The following EIF5B variants were observed in gnomAD, a reference collection of about 807,000 sequenced individuals.
The protein encoded by EIF5B is eukaryotic translation initiation factor 5B, also known as eIF-5B.
EIF5B carries 47 observed loss-of-function variants against 147.5 expected under a neutral mutation model. The observed-to-expected ratio is 0.32, with a 90% CI of 0.25 to 0.41. The LOEUF (loss-of-function observed/expected upper bound fraction) is 0.41. Ranked by LOEUF, EIF5B falls within the 10% of genes least tolerant of loss-of-function variation. The pLI, the probability that EIF5B is intolerant of heterozygous loss-of-function variation, is 1.00. For missense variants in EIF5B, 1,064 were observed against 1,413.2 expected (o/e 0.75, Z 3.96); for synonymous variants, 455 against 456.2 (o/e 1.00, Z 0.03).
chr2:99,357,257 A>T (rs1487300557), intron 1 of EIF5B, among the ~76,000 whole-genome samples: 1 of 152,134 alleles, frequency 6.6e-6, no homozygotes, highest in Non-Finnish European at 1.5e-5. Context: ...TAGGAATTTC[A>T]TAGCTATGTT....
In EIF5B at chr2:99,376,593, C is replaced by T. The variant is rs953138992; in HGVS notation, c.1799C>T (p.Thr600Ile). 2 of 1,612,682 alleles carry T rather than the reference C, an allele frequency of 1.2e-6. No homozygotes were observed. Among genetic ancestry groups the T allele is most frequent in the Non-Finnish European group, 8.5e-7 (1 of 1,179,652 alleles). Residue 600 changes from threonine (T) to isoleucine (I), a missense_variant, in exon 10 of 24, where the codon ACT (threonine) becomes ATT (isoleucine). Transcript: ENST00000289371. ...DSEYDSDDDR[T>I]KEERAYDKAK... The stretch of plus-strand genomic sequence containing the variant: ...GAATATGACTCTGATGATGATCGGA[C>T]TAAAGAAGAAAGGGCTTATGACAAA...
chr2:99,350,669 A>G (rs1055109909), intron 1 of EIF5B, among the ~76,000 whole-genome samples: 7 of 151,938 alleles, frequency 4.6e-5, no homozygotes, highest in Non-Finnish European at 1.0e-4. Context: ...CCCTTGTTAG[A>G]TATATAGTTT....
At chr2:99,356,350 A>G (rs1164897855) in intron 1 of EIF5B, among the ~76,000 whole-genome samples, 1 of 152,148 alleles carries the variant, frequency 6.6e-6, no homozygotes, top group Non-Finnish European at 1.5e-5. Context: ...ATAGTTTAGG[A>G]GTGGAAAATT....
intron 9 of EIF5B, among the ~76,000 whole-genome samples, chr2:99,373,604 C>T (rs1176840867): frequency 6.6e-6 from 1 of 152,152 alleles, no homozygotes; most frequent in Non-Finnish European, 1.5e-5. Context: ...ACACCATTTA[C>T]AAATCACAGC....
At chr2:99,395,357 A>G (rs1675020822) in intron 21 of EIF5B, among the ~76,000 whole-genome samples, 1 of 152,188 alleles carries the variant, frequency 6.6e-6, no homozygotes, top group Admixed American at 6.5e-5. Context: ...CCTTTGAGAC[A>G]GGGTCTCGTT....
chr2:99,394,756 C>T lies in EIF5B; in HGVS notation c.3127C>T (p.Arg1043Ter). The change falls in exon 21 of 24, where the codon CGA (arginine) becomes TGA (stop). Residue 1043 changes from arginine (R) to a stop codon, truncating the protein, a stop_gained. Coordinates refer to ENST00000289371, the MANE Select transcript of EIF5B (RefSeq NM_015904.4). LOFTEE classifies it high-confidence loss of function. ...VILAFDVRIE[R>*]DAQEMADSLG... The stretch of plus-strand genomic sequence containing the variant: ...TTTGGCCTTCGATGTGAGAATTGAA[C>T]GAGATGCACAAGAAATGGCTGATAG... 6.2e-7 allele frequency: 1 copy of T among 1,612,352 alleles called. No homozygotes were observed. The highest frequency in any genetic ancestry group is 8.5e-7 in the Non-Finnish European group (1 of 1,179,660).
chr2:99,341,278 A>G (rs2094259014), intron 1 of EIF5B, among the ~76,000 whole-genome samples: 1 of 152,260 alleles, frequency 6.6e-6, no homozygotes, highest in South Asian at 2.1e-4. Flanking sequence ...TGCATAAATT[A>G]CATCAAAAAA....
chr2:99,360,393 T>A, intron 2 of EIF5B, 32 bp downstream of exon 2: 1 of 1,581,984 alleles, frequency 6.3e-7, no homozygotes, highest in Non-Finnish European at 8.6e-7. Flanking sequence ...TTGATTTTTA[T>A]TTGTTTTGGT....
Position 99,363,629 on chromosome 2 carries a change from T to C in EIF5B, c.920-16T>C. 6.4e-7 allele frequency: 1 copy of C among 1,572,628 alleles called. No homozygotes were observed. The highest frequency in any genetic ancestry group is 2.1e-5 in the Admixed American group (1 of 47,530). On this transcript the variant is annotated splice_polypyrimidine_tract_variant and intron_variant, in intron 4 of 23. Transcript: ENST00000289371. Reference sequence around the variant, plus strand: ...GTTTTTTCATTTCAATGCTTTGCCTTTATTCTTTTTGGTAGATGACAATGA... The same window carrying C: ...GTTTTTTCATTTCAATGCTTTGCCTCTATTCTTTTTGGTAGATGACAATGA...
At chr2:99,343,258 G>C (rs1376610925) in intron 1 of EIF5B, among the ~76,000 whole-genome samples, 2 of 151,132 alleles carry the variant, frequency 1.3e-5, no homozygotes, top group African/African-American at 2.4e-5. Flanking sequence ...ACCCAGCCTG[G>C]GTTGTATTTT....
Position 99,376,540 on chromosome 2 carries a change from G to A in EIF5B, c.1746G>A (p.Lys582=), listed in dbSNP as rs1317167655. 7.4e-6 allele frequency: 12 copies of A among 1,614,014 alleles called. No homozygotes were observed. The highest frequency in any genetic ancestry group is 9.3e-6 in the Non-Finnish European group (11 of 1,179,976). Residue 582 remains lysine, a synonymous_variant, in exon 10 of 24, where the codon AAG becomes AAA. Transcript: ENST00000289371. ...ATTCAGGGAAGACATTAGATAAAAAGCCAAGTAAAGAAATGAGCTCAGATT... is the reference window on the plus strand; with the variant it reads ...ATTCAGGGAAGACATTAGATAAAAAACCAAGTAAAGAAATGAGCTCAGATT... ...EKDSGKTLDK[K]PSKEMSSDSE...
chr2:99,351,127 G>A (rs1304556977), intron 1 of EIF5B, among the ~76,000 whole-genome samples: 2 of 152,236 alleles, frequency 1.3e-5, no homozygotes, highest in Non-Finnish European at 2.9e-5. Context: ...AGTAGTCACT[G>A]TAGTTTTCAT....
chr2:99,368,373 T>A, intron 6 of EIF5B, 120 bp from the exon 7 acceptor site: 1 of 729,722 alleles, frequency 1.4e-6, no homozygotes, highest in Non-Finnish European at 2.3e-6. Flanking sequence ...TTTCCATGAA[T>A]ATCCTTTCAT....
chr2:99,343,595 A>G (rs1209998569), intron 1 of EIF5B, among the ~76,000 whole-genome samples: 2 of 151,804 alleles, frequency 1.3e-5, no homozygotes, highest in Non-Finnish European at 2.9e-5. Flanking sequence ...AGGTGGGTGG[A>G]TCACCTGAGG....
intron 14 of EIF5B, 163 bp from the exon 15 acceptor site, chr2:99,389,555 C>T (rs947635757): frequency 1.4e-5 from 7 of 494,292 alleles, no homozygotes; most frequent in African/African-American, 2.0e-5. Context: ...GAGCAGGTGC[C>T]GATAAGCAGT....
rs930269777 is a variant in EIF5B, at chr2:99,338,372, T to C, written c.35+783T>C. 24 of 1,286,230 alleles carry C rather than the reference T, an allele frequency of 1.9e-5. No homozygotes were observed. The Admixed American group carries it at 2.3e-4, about 12-fold the overall frequency. 79.7% of individuals were successfully genotyped at this position (1,286,230 alleles called of 1,614,324 possible). A position where few individuals can be genotyped will look rare whatever the true frequency, so the allele number is the denominator to read the frequency against. Reference sequence around the variant, plus strand: ...ACATTCGATTGAGTTCTGTTACTCATGATGGAAAGAGTTGACTTCCTGGGA... The same window carrying C: ...ACATTCGATTGAGTTCTGTTACTCACGATGGAAAGAGTTGACTTCCTGGGA... On this transcript the variant is annotated intron_variant, in intron 1 of 23. Coordinates refer to ENST00000289371, the MANE Select transcript of EIF5B (RefSeq NM_015904.4).
chr2:99,377,013 A>G (rs569221706), intron 10 of EIF5B, among the ~76,000 whole-genome samples: 15 of 152,238 alleles, frequency 9.9e-5, no homozygotes, highest in East Asian at 7.7e-4. Context: ...TCTGATCACT[A>G]TAGTTATATA....
At chr2:99,390,428 T>G (rs758753067) in intron 16 of EIF5B, 27 bp downstream of exon 16, 2 of 795,402 alleles carry the variant, frequency 2.5e-6, no homozygotes, top group South Asian at 4.6e-5. Context: ...CAGTTTATTG[T>G]TTTTTTTTTT....
In EIF5B at chr2:99,393,486, ACAG is replaced by A. The variant is rs576317652; in HGVS notation, c.2880+392_2880+394del. ...GTGCCACTGCACTCCAACCTGGGTG[ACAG>A]CAGGACCCTGTCTAAAAAAAAAAAA... On this transcript the variant is annotated intron_variant, in intron 18 of 23. Transcript: ENST00000289371. 5.3e-4 allele frequency among the ~76,000 whole-genome samples: 81 copies of A among 152,040 alleles called. 1 individual carries two copies. In the South Asian group the frequency reaches 0.017, roughly 32 times the overall value.
Sources: allele counts gnomAD v4.1 joint callset (sites outside exome capture counted in the v4.1 genomes callset), GRCh38; gene constraint gnomAD v4.1.1; transcripts MANE v1.5; gene names NCBI Gene and HGNC (gene_info 2026-07-23, HGNC 2026-07-21).